Variants in SCYL3 observed in about 807,000 individuals in gnomAD.
The protein encoded by SCYL3 is protein-associating with the carboxyl-terminal domain of ezrin.
A neutral mutation model predicts 73.8 loss-of-function variants in SCYL3; 35 were observed. The ratio of observed to expected loss-of-function variants is 0.47; its 90% CI spans 0.36 to 0.63. The LOEUF is 0.63. Ranked by LOEUF, SCYL3 falls within the 20% of genes least tolerant of loss-of-function variation. The probability of loss-of-function intolerance (pLI) is 0.00; values close to 1 mark genes in which losing one functional copy is unlikely to be tolerated. For missense variants in SCYL3, 712 were observed against 798.9 expected (o/e 0.89, Z 1.31); for synonymous variants, 277 against 295.2 (o/e 0.94, Z 0.63).
At chr1:169,854,015 A>C in intron 12 of SCYL3, 1 of 584,902 alleles carries the variant, frequency 1.7e-6, no homozygotes, top group Admixed American at 3.4e-5. Context: ...GATGACACCA[A>C]ATCCTTATTT....
intron 4 of SCYL3, among the ~76,000 whole-genome samples, 156 bp downstream of exon 4, chr1:169,875,822 A>C (rs1384742390): frequency 1.3e-5 from 2 of 152,262 alleles, no homozygotes; most frequent in Non-Finnish European, 2.9e-5. Context: ...TCTGAGGAAC[A>C]AAATGCTATA....
At position 169,862,793 on chromosome 1, in the gene SCYL3, A is replaced by G; in HGVS notation, c.960T>C (p.His320=). The G allele has an allele frequency of 6.2e-7, 1 of 1,613,032 alleles. No homozygotes were observed. Among genetic ancestry groups the G allele is most frequent in the East Asian group, 2.2e-5 (1 of 44,870 alleles). Residue 320 remains histidine, a synonymous_variant, in exon 10 of 13, where the codon CAT becomes CAC. Transcript: ENST00000367771. ...LPYLLGPKKD[H]AQGETPCLLS... ...GCAAGCAAGGAGTTTCTCCCTGCGC[A>G]TGATCTACCCGAAAAATCAAAGGTT...
At chr1:169,893,732 T>TC (rs1355525019) in intron 1 of SCYL3, 56 bp downstream of exon 1, 3 of 151,566 alleles carry the variant, frequency 2.0e-5, no homozygotes, top group African/African-American at 7.3e-5. Flanking sequence ...CCCGGCCCCT[T>TC]CCCCCACGGC....
At chr1:169,875,212 AG>A (rs1660707728) in intron 4 of SCYL3, among the ~76,000 whole-genome samples, 1 of 152,236 alleles carries the variant, frequency 6.6e-6, no homozygotes, top group Non-Finnish European at 1.5e-5. Context: ...AGCACAAAAA[AG>A]AATAGGGGAA....
chr1:169,886,182 G>A (rs1264432065), intron 2 of SCYL3, among the ~76,000 whole-genome samples: 2 of 152,086 alleles, frequency 1.3e-5, no homozygotes, highest in Non-Finnish European at 2.9e-5. Context: ...GTGTCGGCGC[G>A]TGCCTGTAAT....
At chr1:169,862,995 C>G (rs1451892156) in intron 9 of SCYL3, among the ~76,000 whole-genome samples, 198 bp from the exon 10 acceptor site, 1 of 152,140 alleles carries the variant, frequency 6.6e-6, no homozygotes, top group Non-Finnish European at 1.5e-5. Flanking sequence ...TCACTGCAAC[C>G]TCCTCCTCCC....
intron 2 of SCYL3, 86 bp from the exon 3 acceptor site, chr1:169,878,905 T>TA (rs1661051302): frequency 1.4e-5 from 17 of 1,231,788 alleles, no homozygotes; most frequent in East Asian, 2.4e-5. Context: ...AATCAGAAAA[T>TA]GTATACTTGC....
intron 1 of SCYL3, among the ~76,000 whole-genome samples, chr1:169,890,325 G>A (rs1352799985): frequency 6.6e-6 from 1 of 152,210 alleles, no homozygotes; most frequent in Non-Finnish European, 1.5e-5. Context: ...GTTTTCAGTG[G>A]TGGCTTTACC....
chr1:169,873,847 C>A, intron 4 of SCYL3, 95 bp from the exon 5 acceptor site: 1 of 797,738 alleles, frequency 1.3e-6, no homozygotes, highest in South Asian at 1.6e-5. Flanking sequence ...GCAATGCAAA[C>A]AGCACCAATT....
chr1:169,888,329 CT>C (rs1212101745), intron 2 of SCYL3, among the ~76,000 whole-genome samples: 1 of 152,222 alleles, frequency 6.6e-6, no homozygotes, highest in Non-Finnish European at 1.5e-5. Context: ...GATGTCAATA[CT>C]TAACTGCATT....
chr1:169,878,818 T>C lies in SCYL3; in HGVS notation c.167A>G (p.His56Arg), dbSNP rs1297325606. Residue 56 changes from histidine (H) to arginine (R), a missense_variant and splice_region_variant, in exon 3 of 13, where the codon CAT becomes CGT. By Grantham distance (29) the His-to-Arg change is conservative. This residue lies in a region of SCYL3 where 342 missense variants were observed against 448.1 expected (regional missense o/e 0.76). Coordinates refer to ENST00000367771, the MANE Select transcript of SCYL3 (RefSeq NM_020423.7). ...NEDKVNKAAK[H>R]LKTLRHPCLL... ...GCAAGGGTGACGAAGTGTCTTCAAA[T>C]GCTTTAAAAATACAAACCGAAGAGC... 2 of 1,606,114 alleles carry C rather than the reference T, an allele frequency of 1.2e-6. No homozygotes were observed. The highest frequency in any genetic ancestry group is 1.7e-6 in the Non-Finnish European group (2 of 1,177,188).
chr1:169,850,385 A>ATTT lies in SCYL3; in HGVS notation c.*3325_*3327dup. 6.2e-6 allele frequency: 7 copies of ATTT among 1,129,930 alleles called. No homozygotes were observed. The highest frequency in any genetic ancestry group is 8.5e-6 in the Non-Finnish European group (7 of 818,724). 70.0% of individuals were successfully genotyped at this position (1,129,930 alleles called of 1,614,324 possible). On this transcript the variant is annotated 3_prime_UTR_variant, in exon 13 of 13. Transcript: ENST00000367771. ...TGGCTCATGTTTTATTCTTTGTCCT[A>ATTT]TTTTTTTTTTTCCGAAATTATGTAA... is the stretch of plus-strand genomic sequence containing the variant.
chr1:169,858,114 TGTTA>T (rs1184910449), intron 11 of SCYL3, among the ~76,000 whole-genome samples: 1 of 152,242 alleles, frequency 6.6e-6, no homozygotes, highest in Non-Finnish European at 1.5e-5. Context: ...TCTTCAATAA[TGTTA>T]TTTACTATAA....
In SCYL3 at chr1:169,882,829, T is replaced by C. The variant is rs6691540; in HGVS notation, c.166-4010A>G. On this transcript the variant is annotated intron_variant, in intron 2 of 12. Coordinates refer to ENST00000367771, the MANE Select transcript of SCYL3 (RefSeq NM_020423.7). Reference sequence around the variant, plus strand: ...AGAACCTTTGTGTCTAGCTCAGGGATTGTAAACGCACAAATCAGCGCCCTG... The same window carrying C: ...AGAACCTTTGTGTCTAGCTCAGGGACTGTAAACGCACAAATCAGCGCCCTG... 7.2e-3 allele frequency among the ~76,000 whole-genome samples: 1,092 copies of C among 152,194 alleles called. 21 individuals are homozygous for C. The highest frequency in any genetic ancestry group is 0.025 in the African/African-American group (1,040 of 41,510).
chr1:169,863,735 A>G (rs1398206856), intron 9 of SCYL3, among the ~76,000 whole-genome samples: 2 of 152,232 alleles, frequency 1.3e-5, no homozygotes, highest in South Asian at 2.1e-4. Context: ...ATTCATGGCT[A>G]AAGAGAATGG....
Position 169,852,664 on chromosome 1 carries a change from GC to G in SCYL3, c.*1048del. ...GATGACTGTGTAGGGGTTTTGGGGT[GC>G]ATCCTCCTACCCTTGTGATCCAATG... On this transcript the variant is annotated 3_prime_UTR_variant, in exon 13 of 13. Coordinates refer to ENST00000367771, the MANE Select transcript of SCYL3 (RefSeq NM_020423.7). 2 of 954,916 alleles carry G rather than the reference GC, an allele frequency of 2.1e-6. No homozygotes were observed. The highest frequency in any genetic ancestry group is 3.3e-5 in the South Asian group (2 of 59,724). 59.2% of individuals were successfully genotyped at this position (954,916 alleles called of 1,614,324 possible).
Position 169,872,996 on chromosome 1 carries a change from G to T in SCYL3, c.522+700C>A, listed in dbSNP as rs150151046. On this transcript the variant is annotated intron_variant, in intron 5 of 12. Coordinates refer to ENST00000367771, the MANE Select transcript of SCYL3 (RefSeq NM_020423.7). ...CTTTTGAGTTAATGCTGAAATGAGTGAAGACTTTGGGGGACTGTTGAGAAG... is the reference window on the plus strand; with the variant it reads ...CTTTTGAGTTAATGCTGAAATGAGTTAAGACTTTGGGGGACTGTTGAGAAG... Among the ~76,000 whole-genome samples, 6 of 152,304 alleles carry T rather than the reference G, an allele frequency of 3.9e-5. No homozygotes were observed. The East Asian group carries it at 1.2e-3, about 29-fold the overall frequency.
At position 169,851,803 on chromosome 1, in the gene SCYL3, A is replaced by T. The variant is rs1229913975; in HGVS notation, c.*1910T>A. On this transcript the variant is annotated 3_prime_UTR_variant, in exon 13 of 13. Coordinates refer to ENST00000367771, the MANE Select transcript of SCYL3 (RefSeq NM_020423.7). ...CATGTTGCTATTTGCTTGGTTTTTC[A>T]TGGTCCCTGGCAGACTGGGTTTGTA... is the stretch of plus-strand genomic sequence containing the variant. The T allele has an allele frequency of 1.9e-6, 3 of 1,610,686 alleles. No homozygotes were observed. The highest frequency in any genetic ancestry group is 1.1e-5 in the South Asian group (1 of 90,644).
At chr1:169,876,739 A>G (rs1222052965) in intron 3 of SCYL3, among the ~76,000 whole-genome samples, 1 of 152,102 alleles carries the variant, frequency 6.6e-6, no homozygotes, top group Non-Finnish European at 1.5e-5. Context: ...GCAGATCATG[A>G]GGTCAGGAGA....
Sources: gnomAD v4.1 joint callset for allele counts (sites outside exome capture counted in the v4.1 genomes callset) on GRCh38, gnomAD v4.1.1 for gene constraint, gnomAD v4.1.1 regional missense constraint, MANE v1.5 for transcripts, NCBI Gene and HGNC (gene_info 2026-07-23, HGNC 2026-07-21) for gene names.